Variants in RERE observed in about 807,000 individuals in gnomAD.
RERE encodes the protein arginine-glutamic acid dipeptide repeats protein.
A neutral mutation model predicts 146.1 loss-of-function variants in RERE; 40 were observed. That is an observed-to-expected ratio of 0.27 (90% CI 0.21 to 0.36). RERE has a LOEUF of 0.36. Among genes scored for constraint, RERE ranks in the 10% least tolerant of loss-of-function variants. The pLI, the probability that RERE is intolerant of heterozygous loss-of-function variation, is 1.00. For synonymous variants in RERE, 1,003 were observed against 866.0 expected, an observed-to-expected ratio of 1.16 and a Z score of -2.78; for missense variants, 1,933 against 2,138.7, an observed-to-expected ratio of 0.90 and a Z score of 1.90.
In RERE at chr1:8,477,865, C is replaced by T. The variant is rs575649642; in HGVS notation, c.1105-11842G>A. Among the ~76,000 whole-genome samples the T allele has an allele frequency of 1.2e-4, 18 of 152,228 alleles. No homozygotes were observed. The East Asian group carries it at 1.5e-3, about 13-fold the overall frequency. On this transcript the variant is annotated intron_variant, in intron 10 of 22. Transcript: ENST00000400908. ...CAATGATAATGAAGTTATGGAACAA[C>T]GAAGACCGAAGAGGCATACACTGAT...
Position 8,356,231 on chromosome 1 carries a change from A to G in RERE, c.4355T>C (p.Val1452Ala). ...DPLHQGSAGP[V>A]HPLVDPLTAG... ...AGTCAGGGGGTCGACCAGCGGGTGA[A>G]CGGGGCCTGCTGAACCTAAGGAAAG... Residue 1452 changes from valine (V) to alanine (A), a missense_variant, in exon 21 of 23, where the codon GTT becomes GCT. This residue lies in a region of RERE where 133 missense variants were observed against 168.6 expected (regional missense o/e 0.79). Transcript: ENST00000400908. This position sits in a 1 kb window ranked among gnomAD's most constrained non-coding sequence, Gnocchi z 5.2. 8.5e-6 allele frequency: 13 copies of G among 1,524,412 alleles called. No homozygotes were observed. Among genetic ancestry groups the G allele is most frequent in the East Asian group, 2.7e-5 (1 of 37,478 alleles). The allele number at this position is 1,524,412 out of a possible 1,614,324, so 94.4% of individuals were successfully genotyped here. A position where few individuals can be genotyped will look rare whatever the true frequency, so the allele number is the denominator to read the frequency against.
intron 4 of RERE, among the ~76,000 whole-genome samples, chr1:8,588,825 A>T: frequency 6.6e-6 from 1 of 152,168 alleles, no homozygotes; most frequent in South Asian, 2.1e-4. Flanking sequence ...AACATGGCTT[A>T]AGAAACTACT....
intron 1 of RERE, among the ~76,000 whole-genome samples, chr1:8,807,221 T>C (rs1012369034): frequency 2.0e-5 from 3 of 152,094 alleles, no homozygotes; most frequent in Non-Finnish European, 4.4e-5. Flanking sequence ...CTGGCTAATT[T>C]TTAATTTTTT....
intron 10 of RERE, among the ~76,000 whole-genome samples, chr1:8,466,862 G>A (rs887271748): frequency 3.3e-5 from 5 of 152,148 alleles, no homozygotes; most frequent in African/African-American, 4.8e-5. Flanking sequence ...AGATGCTCCA[G>A]ACACTCCAAG....
chr1:8,696,728 G>A (rs1011690761), intron 1 of RERE, among the ~76,000 whole-genome samples: 1 of 151,734 alleles, frequency 6.6e-6, no homozygotes, highest in Non-Finnish European at 1.5e-5. Context: ...TGGCCAACAC[G>A]GTGAAACCCC....
chr1:8,386,512 G>GAGCT (rs1355999921), intron 12 of RERE, among the ~76,000 whole-genome samples: 3 of 121,552 alleles, frequency 2.5e-5, no homozygotes, highest in Non-Finnish European at 5.6e-5. Flanking sequence ...AACAGCCAGA[G>GAGCT]AGCTTCCTTT....
intron 4 of RERE, among the ~76,000 whole-genome samples, chr1:8,607,534 CTTTTTTTTTTT>C (rs1167501074): frequency 3.0e-3 from 147 of 48,592 alleles, no homozygotes; most frequent in African/African-American, 0.01. Context: ...ATATATATTT[CTTTTTTTTTTT>C]TTTTTTTTTT....
Position 8,360,850 on chromosome 1 carries a change from C to T in RERE, c.2657G>A (p.Gly886Glu). The T allele has an allele frequency of 4.6e-6, 7 of 1,537,246 alleles. No homozygotes were observed. Among genetic ancestry groups the T allele is most frequent in the Non-Finnish European group, 6.1e-6 (7 of 1,147,520 alleles). ...AGGGTACGCTGCTGCTGGGGAGGTC[C>T]CCAGAGGGGCCTGGCCTTGGGAGGC... ...PQASQGQAPL[G>E]TSPAAAYPHT... The change falls in exon 18 of 23, where the codon GGG (glycine) becomes GAG (glutamate). Residue 886 changes from glycine (G) to glutamate (E), a missense_variant. By Grantham distance (98) the Gly-to-Glu change is moderately conservative. This residue lies in a region of RERE where 1,255 missense variants were observed against 1,153.8 expected (regional missense o/e 1.09). Coordinates refer to ENST00000400908, the MANE Select transcript of RERE (RefSeq NM_001042681.2).
intron 1 of RERE, among the ~76,000 whole-genome samples, chr1:8,807,867 G>C (rs904339281): frequency 6.6e-6 from 1 of 152,146 alleles, no homozygotes; most frequent in African/African-American, 2.4e-5. Flanking sequence ...TGGAGCTTAA[G>C]TAATATGATG....
rs76111304 is a variant in RERE, at chr1:8,390,171, C to T, written c.1285-24197G>A. On this transcript the variant is annotated intron_variant, in intron 12 of 22. Coordinates refer to ENST00000400908, the MANE Select transcript of RERE (RefSeq NM_001042681.2). ...CAGAGCCATGTGCCACAACCAACCA[C>T]GCCACATCTGAACCCAGAGGCATCC... Among the ~76,000 whole-genome samples, 1,396 of 152,260 alleles carry T rather than the reference C, an allele frequency of 9.2e-3. 18 individuals are homozygous for T. Among genetic ancestry groups the T allele is most frequent in the African/African-American group, 0.031 (1,278 of 41,538 alleles).
At chr1:8,626,470 C>T (rs541452326) in intron 2 of RERE, among the ~76,000 whole-genome samples, 9 of 152,268 alleles carry the variant, frequency 5.9e-5, no homozygotes. Context: ...TTCAAGTTCC[C>T]CTTGATCAAA....
At chr1:8,502,189 C>T (rs1354697691) in intron 8 of RERE, among the ~76,000 whole-genome samples, 2 of 72,708 alleles carry the variant, frequency 2.8e-5, no homozygotes, top group African/African-American at 1.3e-4. Context: ...CCCGGCCAGC[C>T]GCCCCGTCCG....
intron 1 of RERE, among the ~76,000 whole-genome samples, chr1:8,802,508 T>C (rs2124592666): frequency 6.6e-6 from 1 of 152,312 alleles, no homozygotes; most frequent in East Asian, 1.9e-4. Context: ...CAAATCCTCT[T>C]AGCTACTTAT....
At chr1:8,571,794 G>A (rs1646224599) in intron 4 of RERE, among the ~76,000 whole-genome samples, 1 of 152,172 alleles carries the variant, frequency 6.6e-6, no homozygotes, top group African/African-American at 2.4e-5. Context: ...TGCTGGAGAG[G>A]AGAAATGGAA....
chr1:8,753,115 A>C (rs949404884), intron 1 of RERE, among the ~76,000 whole-genome samples: 1 of 152,162 alleles, frequency 6.6e-6, no homozygotes, highest in African/African-American at 2.4e-5. Context: ...TCACAGAGAG[A>C]TCTCTCTCCA....
chr1:8,443,866 A>T (rs957511986), intron 11 of RERE, among the ~76,000 whole-genome samples: 4 of 145,362 alleles, frequency 2.8e-5, no homozygotes, highest in Non-Finnish European at 6.1e-5. Flanking sequence ...TGCAAGAGTG[A>T]TGGAGGCTTG....
At chr1:8,747,377 G>C (rs1387283506) in intron 1 of RERE, among the ~76,000 whole-genome samples, 2 of 152,158 alleles carry the variant, frequency 1.3e-5, no homozygotes, top group Non-Finnish European at 2.9e-5. Context: ...CATGGAAGTG[G>C]GAGGTGGGCA....
intron 12 of RERE, among the ~76,000 whole-genome samples, chr1:8,398,695 G>A (rs1320911754): frequency 2.0e-5 from 3 of 152,120 alleles, no homozygotes; most frequent in African/African-American, 4.8e-5. Flanking sequence ...CAGAAAATAC[G>A]CAGCCTAAAA....
At chr1:8,564,824 ATATGTGTATGTGTGTGTGTG>A (rs1646127113) in intron 4 of RERE, among the ~76,000 whole-genome samples, 1 of 48,830 alleles carries the variant, frequency 2.0e-5, no homozygotes, top group South Asian at 5.1e-4. Flanking sequence ...ATGTGTGTGT[ATATGTGTATGTGTGTGTGTG>A]TGTGTGTGTG....
Sources: gnomAD v4.1 joint callset for allele counts (sites outside exome capture counted in the v4.1 genomes callset) on GRCh38, gnomAD v4.1.1 for gene constraint, gnomAD v4.1.1 regional missense constraint, Gnocchi (gnomAD v3.1) non-coding constraint, MANE v1.5 for transcripts, NCBI Gene and HGNC (gene_info 2026-07-23, HGNC 2026-07-21) for gene names.